The following CHD9 variants were observed in gnomAD, a reference collection of about 807,000 sequenced individuals.
The protein encoded by CHD9 is ATP-dependent chromatin remodeler CHD9.
A neutral mutation model predicts 316.1 loss-of-function variants in CHD9; 77 were observed. The observed-to-expected ratio is 0.24, with a 90% CI of 0.20 to 0.29. The LOEUF is 0.29. Ranked by LOEUF, CHD9 falls within the 10% of genes least tolerant of loss-of-function variation. CHD9 has a pLI of 1.00. For synonymous variants in CHD9, 1,129 were observed against 1,158.3 expected (o/e 0.97, Z 0.51); for missense variants, 2,763 against 3,438.1 (o/e 0.80, Z 4.91).
intron 3 of CHD9, among the ~76,000 whole-genome samples, chr16:53,222,041 T>C (rs2047285765): frequency 6.6e-6 from 1 of 152,076 alleles, no homozygotes. Flanking sequence ...TTTTACCTGC[T>C]AAATTTATTT....
At chr16:53,210,271 T>G (rs2046221501) in intron 3 of CHD9, among the ~76,000 whole-genome samples, 1 of 148,454 alleles carries the variant, frequency 6.7e-6, no homozygotes, top group Non-Finnish European at 1.5e-5. Context: ...AAACCACAAC[T>G]TTGGACTGAA....
chr16:53,251,917 G>A (rs185034937), intron 17 of CHD9, among the ~76,000 whole-genome samples: 1 of 152,086 alleles, frequency 6.6e-6, no homozygotes, highest in Admixed American at 6.5e-5. Context: ...CAAACAAGTG[G>A]AAATACATCC....
At chr16:53,246,993 T>A (rs537868957) in intron 15 of CHD9, among the ~76,000 whole-genome samples, 71 of 152,234 alleles carry the variant, frequency 4.7e-4, no homozygotes, top group Non-Finnish European at 8.8e-4. Context: ...CAGTTTTATT[T>A]TTTCCCTAAT....
chr16:53,299,544 C>T, intron 30 of CHD9: 1 of 308,042 alleles, frequency 3.2e-6, no homozygotes, highest in South Asian at 3.7e-5. Context: ...GGTCAAGTGC[C>T]AGGTCATATA....
At chr16:53,199,544 C>T (rs2045250123) in intron 2 of CHD9, among the ~76,000 whole-genome samples, 1 of 152,098 alleles carries the variant, frequency 6.6e-6, no homozygotes, top group Non-Finnish European at 1.5e-5. Context: ...ATTTAGTGTA[C>T]TCATCACCTA....
At chr16:53,295,558 TTCTA>T (rs764181651) in intron 29 of CHD9, among the ~76,000 whole-genome samples, 4 of 152,320 alleles carry the variant, frequency 2.6e-5, no homozygotes, top group African/African-American at 4.8e-5. Flanking sequence ...ATCTTTTCCT[TTCTA>T]TCTTTCTCAG....
At chr16:53,162,576 G>T (rs2041988831) in intron 2 of CHD9, among the ~76,000 whole-genome samples, 2 of 152,018 alleles carry the variant, frequency 1.3e-5, no homozygotes, top group Admixed American at 1.3e-4. Flanking sequence ...ATGTTATGAG[G>T]GATGGCAGAA....
chr16:53,118,337 A>G (rs2038478928), intron 1 of CHD9, among the ~76,000 whole-genome samples: 1 of 151,510 alleles, frequency 6.6e-6, no homozygotes, highest in African/African-American at 2.4e-5. Flanking sequence ...GAATCGCTTG[A>G]CCCTGGGAGG....
chr16:53,081,839 G>GTGAATGCATGAATGAA (rs2035043278), intron 1 of CHD9, among the ~76,000 whole-genome samples: 1 of 150,088 alleles, frequency 6.7e-6, no homozygotes, highest in South Asian at 2.1e-4. Flanking sequence ...TGTCAAGTTT[G>GTGAATGCATGAATGAA]TGAATGAATG....
rs1406360568 is a variant in CHD9 at position 53,125,808 on chromosome 16, C to T, written c.-164-30118C>T. Among the ~76,000 whole-genome samples, 5 of 152,270 alleles carry T rather than the reference C, an allele frequency of 3.3e-5. No individual in the cohort carries two copies. The East Asian group carries it at 9.7e-4, about 29-fold the overall frequency. On this transcript the variant is annotated intron_variant, in intron 1 of 38. Transcript: ENST00000447540. ...GTAGGCTAGACTAAGCTATGATGTT[C>T]AGTAGGTTAAGTGTATTAGCTGCAT...
chr16:53,127,643 G>A (rs1417240638), intron 1 of CHD9, among the ~76,000 whole-genome samples: 2 of 152,020 alleles, frequency 1.3e-5, no homozygotes, highest in African/African-American at 4.8e-5. Flanking sequence ...CTTTCTCAAC[G>A]GGCACAGTGG....
chr16:53,227,477 A>G lies in CHD9; in HGVS notation c.2112+13A>G. 6.6e-7 allele frequency: 1 copy of G among 1,525,418 alleles called. No individual in the cohort carries two copies. The highest frequency in any genetic ancestry group is 8.9e-7 in the Non-Finnish European group (1 of 1,125,896). The allele number at this position is 1,525,418 out of a possible 1,614,324, so 94.5% of individuals were successfully genotyped here. On this transcript the variant is annotated intron_variant, in intron 6 of 38. Transcript: ENST00000447540. ...CGTAAAAAAGGAAGTAAGTACTGGT[A>G]CATTACATTTTACACTTCATATTCT...
intron 24 of CHD9, among the ~76,000 whole-genome samples, 192 bp from the exon 25 acceptor site, chr16:53,285,404 G>A (rs988546221): frequency 5.9e-5 from 9 of 152,062 alleles, no homozygotes; most frequent in Admixed American, 2.0e-4. Flanking sequence ...AACAATGTTC[G>A]TTTATTTTAT....
intron 19 of CHD9, among the ~76,000 whole-genome samples, chr16:53,261,545 A>C (rs758527041): frequency 2.6e-5 from 4 of 151,572 alleles, no homozygotes; most frequent in Non-Finnish European, 5.9e-5. Flanking sequence ...GGCTAATTTT[A>C]AAAGAAATTA....
chr16:53,304,224 T>C lies in CHD9; in HGVS notation c.6218T>C (p.Ile2073Thr). The C allele has an allele frequency of 6.2e-7, 1 of 1,611,096 alleles. No individual in the cohort carries two copies. Among genetic ancestry groups the C allele is most frequent in the South Asian group, 1.1e-5 (1 of 90,758 alleles). The change falls in exon 31 of 39, where the codon ATA (isoleucine) becomes ACA (threonine). Residue 2073 changes from isoleucine to threonine, a missense_variant. Ile to Thr is a moderately conservative substitution (Grantham distance 89). Around this residue, in one of 15 missense-constraint regions of CHD9, gnomAD observed 663 missense variants for 751.2 expected, o/e 0.88. Transcript: ENST00000447540. Reference sequence around the variant, plus strand: ...TCTTCTGTGGAAACCAGGACACTAATAAAATCTGAGCCTGTAAGTCCAAAG... The same window carrying C: ...TCTTCTGTGGAAACCAGGACACTAACAAAATCTGAGCCTGTAAGTCCAAAG... The part of the protein sequence containing the change: ...SMSSVETRTL[I>T]KSEPVSPKNG...
intron 22 of CHD9, among the ~76,000 whole-genome samples, chr16:53,273,098 AAC>A (rs2052441378): frequency 2.0e-5 from 3 of 151,426 alleles, no homozygotes; most frequent in Non-Finnish European, 4.4e-5. Context: ...AAAAAAACAA[AAC>A]AAAACAACAA....
chr16:53,285,583 G>A lies in CHD9; in HGVS notation c.4968-13G>A. On this transcript the variant is annotated splice_polypyrimidine_tract_variant and intron_variant, in intron 24 of 38. Transcript: ENST00000447540. ...ATAATAATTCATAATGCCATATTAT[G>A]ATTTTTTTAAAGTGACATTGATGTT... 4 of 1,540,808 alleles carry A rather than the reference G, an allele frequency of 2.6e-6. No homozygotes were observed. Among genetic ancestry groups the A allele is most frequent in the Non-Finnish European group, 3.5e-6 (4 of 1,128,590 alleles).
At position 53,324,168 on chromosome 16, in the gene CHD9, A is replaced by T. The variant is rs776017345; in HGVS notation, c.7967A>T (p.Asn2656Ile). ...GCATCTGCCACCAGTGTTTCAGGCA[A>T]TCCTTTGTTAGCCAATGGACTACTT... ...AAASATSVSGNPLLANGLLPG... is the reference protein window; with the variant it reads ...AAASATSVSGIPLLANGLLPG... The change falls in exon 39 of 39, where the codon AAT becomes ATT. Residue 2656 changes from asparagine (N) to isoleucine (I), a missense_variant. This residue lies in a region of CHD9 where 298 missense variants were observed against 380.2 expected (regional missense o/e 0.78). Coordinates refer to ENST00000447540, the MANE Select transcript of CHD9 (RefSeq NM_001308319.2). 6 of 1,614,032 alleles carry T rather than the reference A, an allele frequency of 3.7e-6. No individual in the cohort carries two copies. The Admixed American group carries it at 1.0e-4, about 27-fold the overall frequency.
intron 17 of CHD9, among the ~76,000 whole-genome samples, chr16:53,254,141 C>T (rs2050364180): frequency 6.6e-6 from 1 of 152,166 alleles, no homozygotes; most frequent in African/African-American, 2.4e-5. Flanking sequence ...CGCACGACTG[C>T]ACTCCAGCTG....
Sources: allele counts gnomAD v4.1 joint callset (sites outside exome capture counted in the v4.1 genomes callset), GRCh38; gene constraint gnomAD v4.1.1; regional missense constraint gnomAD v4.1.1; transcripts MANE v1.5; gene names NCBI Gene and HGNC (gene_info 2026-07-23, HGNC 2026-07-21).